SYTL2: variants seen among roughly 807,000 people sequenced by gnomAD.
SYTL2 encodes synaptotagmin-like protein 2.
SYTL2 carries 165 observed loss-of-function variants against 198.7 expected under a neutral mutation model. That is an observed-to-expected ratio of 0.83 (90% CI 0.73 to 0.94). SYTL2 has a LOEUF of 0.94. SYTL2 is among the 40% of genes least tolerant of loss of function. The pLI, the probability that SYTL2 is intolerant of heterozygous loss-of-function variation, is 0.00. For missense variants in SYTL2, 2,835 were observed against 2,582.8 expected, an observed-to-expected ratio of 1.10 and a Z score of -2.12; for synonymous variants, 966 against 917.7, an observed-to-expected ratio of 1.05 and a Z score of -0.95.
intron 6 of SYTL2, 117 bp from the exon 7 acceptor site, chr11:85,734,859 AG>A (rs2090181980): frequency 1.2e-6 from 1 of 813,344 alleles, no homozygotes; most frequent in South Asian, 1.9e-5. Flanking sequence ...AAGACAGTAA[AG>A]TATGTGGCAC....
chr11:85,717,582 A>G, intron 10 of SYTL2, 52 bp from the exon 11 acceptor site: 2 of 1,447,742 alleles, frequency 1.4e-6, no homozygotes, highest in Middle Eastern at 1.7e-4. Context: ...AGAAGGATTA[A>G]AGAGACATGA....
chr11:85,786,729 C>T (rs2092641744), intron 1 of SYTL2, among the ~76,000 whole-genome samples: 1 of 152,192 alleles, frequency 6.6e-6, no homozygotes, highest in African/African-American at 2.4e-5. Flanking sequence ...GCATCTCTAA[C>T]TTCCTTTAAA....
At chr11:85,830,084 G>C in the SYTL2 span, among the ~76,000 whole-genome samples, 1 of 152,172 alleles carries the variant, frequency 6.6e-6, no homozygotes, top group African/African-American at 2.4e-5. Context: ...TCACAGTACA[G>C]TGTTTTGTCT....
chr11:85,714,580 A>C, intron 11 of SYTL2, 73 bp from the exon 12 acceptor site: 1 of 1,558,634 alleles, frequency 6.4e-7, no homozygotes, highest in Non-Finnish European at 8.7e-7. Context: ...AGTTGAAAAC[A>C]TACTTTTATT....
chr11:85,773,339 G>A (rs1179960838), intron 1 of SYTL2, among the ~76,000 whole-genome samples: 2 of 152,210 alleles, frequency 1.3e-5, no homozygotes. Flanking sequence ...CTTGAAGTTA[G>A]TTCTTTAAAC....
intron 1 of SYTL2, among the ~76,000 whole-genome samples, chr11:85,789,376 ATGT>A (rs2092695663): frequency 9.2e-5 from 4 of 43,454 alleles, no homozygotes; most frequent in Admixed American, 3.2e-4. Flanking sequence ...ATATATATAT[ATGT>A]ATATATATAT....
the SYTL2 span, among the ~76,000 whole-genome samples, chr11:85,845,949 A>G: frequency 5.9e-5 from 9 of 152,210 alleles, no homozygotes. Context: ...TAAATAACAT[A>G]AAACCACCAC....
At chr11:85,838,761 T>A in the SYTL2 span, among the ~76,000 whole-genome samples, 1 of 152,148 alleles carries the variant, frequency 6.6e-6, no homozygotes, top group South Asian at 2.1e-4. Context: ...CAATTAAACA[T>A]GAGATTTGGA....
the SYTL2 span, chr11:85,853,430 G>C: frequency 1.5e-5 from 6 of 396,964 alleles, no homozygotes; most frequent in African/African-American, 1.3e-4. Context: ...GGCGGTGCAA[G>C]ATGGGCTTTG....
At chr11:85,707,560 C>T in intron 14 of SYTL2, 29 bp from the exon 15 acceptor site, 1 of 1,395,902 alleles carries the variant, frequency 7.2e-7, no homozygotes. Context: ...CAGACAAAGT[C>T]AAAGAAAATA....
intron 3 of SYTL2, among the ~76,000 whole-genome samples, chr11:85,746,408 G>A (rs1048733247): frequency 2.0e-5 from 3 of 152,102 alleles, no homozygotes; most frequent in Non-Finnish European, 4.4e-5. Flanking sequence ...CTCTTTACCT[G>A]AACATCTCTG....
chr11:85,735,425 A>C (rs1190601487), intron 6 of SYTL2, among the ~76,000 whole-genome samples: 1 of 152,206 alleles, frequency 6.6e-6, no homozygotes, highest in Non-Finnish European at 1.5e-5. Flanking sequence ...TAAAAAAATA[A>C]AACCCCATTA....
chr11:85,806,679 C>G (rs1187469962), intron 1 of SYTL2, among the ~76,000 whole-genome samples: 1 of 152,202 alleles, frequency 6.6e-6, no homozygotes, highest in Non-Finnish European at 1.5e-5. Flanking sequence ...GAGGAGGCGT[C>G]AAAAGCTTGA....
rs1457957119 is a variant in SYTL2 at position 85,730,429 on chromosome 11, C to T, written c.1391-2462G>A. Among the ~76,000 whole-genome samples, 6 of 152,246 alleles carry T rather than the reference C, an allele frequency of 3.9e-5. No individual in the cohort carries two copies. The South Asian group carries it at 6.2e-4, about 16-fold the overall frequency. ...TCAGCTTCATCCCTGGGATGAAAGG[C>T]TGGTGCAACATATGCAAATCAATAA... is the stretch of plus-strand genomic sequence containing the variant. On this transcript the variant is annotated intron_variant, in intron 7 of 19. Coordinates refer to ENST00000359152, the MANE Select transcript of SYTL2 (RefSeq NM_206927.4).
intron 1 of SYTL2, among the ~76,000 whole-genome samples, chr11:85,808,886 T>TAA (rs11311179): frequency 4.7e-5 from 7 of 147,524 alleles, no homozygotes; most frequent in Non-Finnish European, 6.0e-5. Context: ...CCTCTTAATT[T>TAA]AAAAAAAAAA....
chr11:85,794,156 C>T (rs113252339), intron 1 of SYTL2, among the ~76,000 whole-genome samples: 33 of 152,146 alleles, frequency 2.2e-4, no homozygotes, highest in Non-Finnish European at 4.0e-4. Context: ...AGGCATAAGC[C>T]ACCTTGCCTG....
At chr11:85,769,787 C>T (rs906336215) in intron 1 of SYTL2, among the ~76,000 whole-genome samples, 3 of 152,230 alleles carry the variant, frequency 2.0e-5, no homozygotes, top group African/African-American at 7.2e-5. Flanking sequence ...AGTCCAGTAG[C>T]GGTGGGCTGG....
Position 85,709,326 on chromosome 11 carries a change from C to T in SYTL2, c.5915+5G>A. ...AGAAGGTAGGTGACTCTAAAATGTA[C>T]TTACGGGTCTGAACGCTGTTTTTTT... On this transcript the variant is annotated splice_donor_5th_base_variant and intron_variant, in intron 14 of 19. Transcript: ENST00000359152. The T allele has an allele frequency of 1.2e-6, 2 of 1,613,988 alleles. No individual in the cohort carries two copies. Among genetic ancestry groups the T allele is most frequent in the Non-Finnish European group, 1.7e-6 (2 of 1,179,932 alleles).
chr11:85,810,199 C>G (rs543765223), intron 1 of SYTL2, among the ~76,000 whole-genome samples: 1 of 152,248 alleles, frequency 6.6e-6, no homozygotes, highest in African/African-American at 2.4e-5. Flanking sequence ...CGCCCAAAGC[C>G]CTGGAGGCTG....
Sources: gnomAD v4.1 joint callset for allele counts (sites outside exome capture counted in the v4.1 genomes callset) on GRCh38, gnomAD v4.1.1 for gene constraint, MANE v1.5 for transcripts, NCBI Gene and HGNC (gene_info 2026-07-23, HGNC 2026-07-21) for gene names.